Variants in CRYBG1 observed in about 807,000 individuals in gnomAD.
CRYBG1 encodes beta/gamma crystallin domain-containing protein 1.
CRYBG1 carries 139 observed loss-of-function variants against 189.2 expected under a neutral mutation model. That is an observed-to-expected ratio of 0.73 (90% confidence interval 0.64 to 0.85). The LOEUF (loss-of-function observed/expected upper bound fraction) is 0.85. Ranked by LOEUF, CRYBG1 falls within the 40% of genes least tolerant of loss-of-function variation. CRYBG1 has a pLI of 0.00. For synonymous variants in CRYBG1, 1,023 were observed against 1,017.1 expected (o/e 1.01, Z -0.11); for missense variants, 2,611 against 2,675.8 (o/e 0.98, Z 0.53).
chr6:106,485,078 T>C (rs1772568909), intron 2 of CRYBG1, among the ~76,000 whole-genome samples: 1 of 152,246 alleles, frequency 6.6e-6, no homozygotes, highest in Non-Finnish European at 1.5e-5. Flanking sequence ...GTAGATTGCT[T>C]TGGGTAGTAT....
intron 13 of CRYBG1, among the ~76,000 whole-genome samples, chr6:106,546,936 T>G (rs1427431057): frequency 6.6e-6 from 1 of 152,214 alleles, no homozygotes; most frequent in Non-Finnish European, 1.5e-5. Context: ...GTAGAATGAA[T>G]TCCCTTAGGT....
Position 106,512,428 on chromosome 6 carries a change from C to A in CRYBG1, c.1311C>A (p.Leu437=). Residue 437 remains leucine, a synonymous_variant, in exon 3 of 22, where the codon CTC becomes CTA. Transcript: ENST00000633556. ...STDSPGADAE[L]PESAARDDAV... is the part of the protein sequence containing the mutation. ...ACTCCCCCGGCGCGGACGCCGAGCT[C>A]CCTGAGAGCGCTGCCAGGGACGACG... 6.2e-7 allele frequency: 1 copy of A among 1,609,680 alleles called. No individual in the cohort carries two copies. Among genetic ancestry groups the A allele is most frequent in the African/African-American group, 1.3e-5 (1 of 75,008 alleles).
intron 2 of CRYBG1, among the ~76,000 whole-genome samples, chr6:106,474,956 A>G (rs565925335): frequency 6.6e-6 from 1 of 152,278 alleles, no homozygotes; most frequent in Non-Finnish European, 1.5e-5. Context: ...ATGTTGGGGG[A>G]AAACAGGTAG....
At chr6:106,551,066 T>C (rs1284985093) in intron 13 of CRYBG1, among the ~76,000 whole-genome samples, 4 of 152,176 alleles carry the variant, frequency 2.6e-5, no homozygotes, top group Admixed American at 2.0e-4. Flanking sequence ...TTCCTGAAGT[T>C]TGGGGTACGG....
rs946413097 is a variant in CRYBG1 at position 106,512,832 on chromosome 6, C to T, written c.1715C>T (p.Pro572Leu). The change falls in exon 3 of 22, where the codon CCG becomes CTG. Residue 572 changes from proline (P) to leucine (L), a missense_variant. Physicochemically the swap from Pro to Leu is moderately conservative, Grantham distance 98. Coordinates refer to ENST00000633556, the MANE Select transcript of CRYBG1 (RefSeq NM_001371242.2). The part of the protein sequence containing the change: ...EAARAIPREL[P>L]VKSSSLLPEI... ...GCGCGGGCCATCCCCCGCGAGCTCCCGGTCAAGAGCAGCTCGCTGCTGCCG... is the reference window on the plus strand; with the variant it reads ...GCGCGGGCCATCCCCCGCGAGCTCCTGGTCAAGAGCAGCTCGCTGCTGCCG... 1.5e-5 allele frequency: 23 copies of T among 1,577,978 alleles called. No individual in the cohort carries two copies. Among genetic ancestry groups the T allele is most frequent in the East Asian group, 1.4e-4 (6 of 42,928 alleles).
intron 3 of CRYBG1, among the ~76,000 whole-genome samples, chr6:106,517,346 ACAC>A: frequency 1.2e-5 from 1 of 85,192 alleles, no homozygotes. Context: ...ATATATACAC[ACAC>A]ATATATATAT....
At chr6:106,490,844 T>G (rs987404912) in intron 2 of CRYBG1, among the ~76,000 whole-genome samples, 9 of 152,196 alleles carry the variant, frequency 5.9e-5, no homozygotes, top group Admixed American at 3.9e-4. Context: ...TCACACTCTG[T>G]GAAAAGGCCT....
chr6:106,492,153 C>T (rs1772738853), intron 2 of CRYBG1, among the ~76,000 whole-genome samples: 1 of 152,156 alleles, frequency 6.6e-6, no homozygotes, highest in South Asian at 2.1e-4. Flanking sequence ...CAACTACATA[C>T]TTTAGCAACT....
intron 1 of CRYBG1, among the ~76,000 whole-genome samples, chr6:106,380,396 T>A (rs993268570): frequency 4.6e-5 from 7 of 152,146 alleles, no homozygotes; most frequent in Non-Finnish European, 7.3e-5. Flanking sequence ...GTAACTGAAA[T>A]CCAGCTTCTC....
At chr6:106,444,251 C>T (rs1390553346) in intron 1 of CRYBG1, among the ~76,000 whole-genome samples, 1 of 152,016 alleles carries the variant, frequency 6.6e-6, no homozygotes, top group African/African-American at 2.4e-5. Context: ...TTCCAGCAAT[C>T]AAAAAAATCT....
intron 1 of CRYBG1, among the ~76,000 whole-genome samples, chr6:106,379,231 G>A (rs550905833): frequency 1.3e-5 from 2 of 152,170 alleles, no homozygotes; most frequent in Admixed American, 1.3e-4. Flanking sequence ...GATTAGTAAA[G>A]TAAAATAATA....
In CRYBG1 at chr6:106,566,167, GAA is replaced by G. The variant is rs34366986; in HGVS notation, c.6301+2256_6301+2257del. On this transcript the variant is annotated intron_variant, in intron 21 of 21. Coordinates refer to ENST00000633556, the MANE Select transcript of CRYBG1 (RefSeq NM_001371242.2). ...TGCTAGACACGGAGGGCACCAGCGT[GAA>G]AAAAAAAAAAAAAAGCCTCCTCCTT... 5.1e-3 allele frequency among the ~76,000 whole-genome samples: 626 copies of G among 123,840 alleles called. 9 individuals carry two copies. The highest frequency in any genetic ancestry group is 0.017 in the African/African-American group (590 of 33,976). 81.2% of individuals were successfully genotyped at this position (123,840 alleles called of 152,430 possible).
chr6:106,451,655 C>A, intron 1 of CRYBG1, 39 bp from the exon 2 acceptor site: 1 of 1,489,206 alleles, frequency 6.7e-7, no homozygotes, highest in Admixed American at 2.2e-5. Flanking sequence ...TGGCATTGTT[C>A]ATAGTGTATT....
intron 1 of CRYBG1, among the ~76,000 whole-genome samples, chr6:106,430,762 G>T (rs1420835875): frequency 6.6e-6 from 1 of 152,198 alleles, no homozygotes; most frequent in East Asian, 1.9e-4. Context: ...TAGCCGGGTA[G>T]CTGCACCTCT....
Position 106,519,665 on chromosome 6 carries a change from G to A in CRYBG1, c.2457G>A (p.Glu819=). ...AGCTCTTAGAGAAGGAGGACTCAGA[G>A]GCTGCAGACAGCAAAAGCCTTGTAC... ...DHKLLEKEDS[E]AADSKSLVLE... Residue 819 remains glutamate (E), a synonymous_variant, in exon 4 of 22, where the codon GAG becomes GAA. Transcript: ENST00000633556. 6.2e-7 allele frequency: 1 copy of A among 1,614,098 alleles called. No homozygotes were observed. The highest frequency in any genetic ancestry group is 8.5e-7 in the Non-Finnish European group (1 of 1,179,954).
At chr6:106,450,425 G>C (rs1429777767) in intron 1 of CRYBG1, among the ~76,000 whole-genome samples, 1 of 152,090 alleles carries the variant, frequency 6.6e-6, no homozygotes, top group East Asian at 1.9e-4. Context: ...TGCATTTTTA[G>C]TTCTCTTTCT....
rs147241270 is a variant in CRYBG1 at position 106,546,637 on chromosome 6, C to A, written c.5312+1704C>A. Among the ~76,000 whole-genome samples, 206 of 152,338 alleles carry A rather than the reference C, an allele frequency of 1.4e-3. 1 individual carries two copies. Among genetic ancestry groups the A allele is most frequent in the Admixed American group, 8.5e-3 (130 of 15,300 alleles). On this transcript the variant is annotated intron_variant, in intron 13 of 21. Transcript: ENST00000633556. ...TGATTTCCGGGTATTCCATTCTCAG[C>A]AGGAAATGCCTACTCTTGGGTCCTA...
In CRYBG1 at chr6:106,561,877, C is replaced by T. The variant is rs758174432; in HGVS notation, c.6138+377C>T. Among the ~76,000 whole-genome samples the T allele has an allele frequency of 8.5e-5, 13 of 152,228 alleles. No individual in the cohort carries two copies. The East Asian group carries it at 1.7e-3, about 20-fold the overall frequency. ...GTTTGTTTTGGGGAAATCCACAGAA[C>T]GGGATGAAGGGTAAAGAGATCCCTC... On this transcript the variant is annotated intron_variant, in intron 20 of 21. Transcript: ENST00000633556.
At position 106,520,167 on chromosome 6, in the gene CRYBG1, C is replaced by A. The variant is rs747246525; in HGVS notation, c.2959C>A (p.Pro987Thr). ...CTCTGAAGTTAGAGAAGTGCAGTTGCCAACTTGTCACAGTAATGAACCTGA... is the reference window on the plus strand; with the variant it reads ...CTCTGAAGTTAGAGAAGTGCAGTTGACAACTTGTCACAGTAATGAACCTGA... Reference protein sequence around the residue: ...ESSEVREVQLPTCHSNEPEVV... With the variant: ...ESSEVREVQLTTCHSNEPEVV... Residue 987 changes from proline (P) to threonine (T), a missense_variant, in exon 4 of 22, where the codon CCA (proline) becomes ACA (threonine). Physicochemically the swap from Pro to Thr is conservative, Grantham distance 38. Coordinates refer to ENST00000633556, the MANE Select transcript of CRYBG1 (RefSeq NM_001371242.2). 25 of 1,614,116 alleles carry A rather than the reference C, an allele frequency of 1.5e-5. No homozygotes were observed. In the East Asian group the frequency reaches 4.7e-4, roughly 30 times the overall value.
Sources: gnomAD v4.1 joint callset for allele counts (sites outside exome capture counted in the v4.1 genomes callset) on GRCh38, gnomAD v4.1.1 for gene constraint, MANE v1.5 for transcripts, NCBI Gene and HGNC (gene_info 2026-07-23, HGNC 2026-07-21) for gene names.